GTF2F2: variants seen among roughly 807,000 people sequenced by gnomAD.
GTF2F2 encodes the protein ATP-dependent helicase GTF2F2.
A neutral mutation model predicts 42.2 loss-of-function variants in GTF2F2; 23 were observed. The ratio of observed to expected loss-of-function variants is 0.55; its 90% CI spans 0.39 to 0.77. GTF2F2 has a LOEUF of 0.77. GTF2F2 is among the 30% of genes least tolerant of loss of function. GTF2F2 has a pLI of 0.00. For missense variants in GTF2F2, 261 were observed against 287.2 expected, an observed-to-expected ratio of 0.91 and a Z score of 0.66; for synonymous variants, 105 against 100.8, an observed-to-expected ratio of 1.04 and a Z score of -0.25.
intron 4 of GTF2F2, among the ~76,000 whole-genome samples, chr13:45,174,402 C>T (rs1871757124): frequency 6.6e-6 from 1 of 152,004 alleles, no homozygotes; most frequent in African/African-American, 2.4e-5. Flanking sequence ...ACATGTTCAG[C>T]CCCTCAAAAG....
intron 7 of GTF2F2, among the ~76,000 whole-genome samples, chr13:45,274,699 T>G (rs1876953091): frequency 6.6e-6 from 1 of 152,114 alleles, no homozygotes; most frequent in Admixed American, 6.6e-5. Flanking sequence ...CCCAGCACTT[T>G]GGGAAGCTAA....
chr13:45,136,338 A>G (rs1000549735), intron 1 of GTF2F2, among the ~76,000 whole-genome samples: 5 of 152,244 alleles, frequency 3.3e-5, no homozygotes, highest in Non-Finnish European at 5.9e-5. Context: ...TCTACATAAT[A>G]AAACTTGACT....
In GTF2F2 at chr13:45,149,789, G is replaced by A; in HGVS notation, c.159+1G>A. 1 of 1,498,868 alleles carries A rather than the reference G, an allele frequency of 6.7e-7. No homozygotes were observed. Among genetic ancestry groups the A allele is most frequent in the East Asian group, 2.4e-5 (1 of 41,956 alleles). The allele number at this position is 1,498,868 out of a possible 1,614,324, so 92.8% of individuals were successfully genotyped here. A position where few individuals can be genotyped will look rare whatever the true frequency, so the allele number is the denominator to read the frequency against. ...CTTTAGGACTCAAGGAAGGACTGAG[G>A]TAAGATTATTTATATGGAAATTTTA... On this transcript the variant is annotated splice_donor_variant, in intron 3 of 7. Coordinates refer to ENST00000340473, the MANE Select transcript of GTF2F2 (RefSeq NM_004128.3). LOFTEE classifies it high-confidence loss of function.
intron 5 of GTF2F2, among the ~76,000 whole-genome samples, chr13:45,232,049 C>T (rs1874710741): frequency 6.6e-6 from 1 of 152,104 alleles, no homozygotes; most frequent in Non-Finnish European, 1.5e-5. Context: ...TATTTGATCC[C>T]ACCATTGTAT....
Position 45,138,425 on chromosome 13 carries a change from A to G in GTF2F2, c.140+1619A>G, listed in dbSNP as rs79790876. ...CAGAATCAACCACTGACCTACTAGAATTGACCGCTGATCTAGAGTTAACCA... is the reference window on the plus strand; with the variant it reads ...CAGAATCAACCACTGACCTACTAGAGTTGACCGCTGATCTAGAGTTAACCA... On this transcript the variant is annotated intron_variant, in intron 2 of 7. Coordinates refer to ENST00000340473, the MANE Select transcript of GTF2F2 (RefSeq NM_004128.3). 4.6e-4 allele frequency among the ~76,000 whole-genome samples: 70 copies of G among 152,272 alleles called. 1 individual carries two copies. In the East Asian group the frequency reaches 0.013, roughly 28 times the overall value.
At chr13:45,152,637 T>C (rs1870554049) in intron 4 of GTF2F2, among the ~76,000 whole-genome samples, 1 of 152,264 alleles carries the variant, frequency 6.6e-6, no homozygotes, top group Non-Finnish European at 1.5e-5. Context: ...GACACTGGCT[T>C]CCAAGAAGTT....
At chr13:45,124,586 A>T (rs1868873921) in intron 1 of GTF2F2, among the ~76,000 whole-genome samples, 1 of 151,814 alleles carries the variant, frequency 6.6e-6, no homozygotes, top group African/African-American at 2.4e-5. Context: ...TGTTTTTGAG[A>T]TGGAGTCTCA....
chr13:45,271,075 G>A (rs984967529), intron 7 of GTF2F2, among the ~76,000 whole-genome samples: 2 of 152,002 alleles, frequency 1.3e-5, no homozygotes, highest in East Asian at 1.9e-4. Flanking sequence ...GGCAGATCAC[G>A]AGGTCAGGAG....
Position 45,120,665 on chromosome 13 carries a change from C to T in GTF2F2, c.10C>T (p.Arg4Cys), listed in dbSNP as rs1246459026. ...CACCGGCTGCAGACCCATGGCCGAG[C>T]GCGGGGAACTCGACTTGACCGGCGC... MAE[R>C]GELDLTGAKQ... Residue 4 changes from arginine to cysteine, a missense_variant, in exon 1 of 8, where the codon CGC becomes TGC. Coordinates refer to ENST00000340473, the MANE Select transcript of GTF2F2 (RefSeq NM_004128.3). 1 of 1,559,266 alleles carries T rather than the reference C, an allele frequency of 6.4e-7. No individual in the cohort carries two copies. Among genetic ancestry groups the T allele is most frequent in the Non-Finnish European group, 8.7e-7 (1 of 1,150,748 alleles).
intron 5 of GTF2F2, among the ~76,000 whole-genome samples, chr13:45,218,489 A>G (rs1270601881): frequency 6.6e-6 from 1 of 152,230 alleles, no homozygotes; most frequent in South Asian, 2.1e-4. Context: ...CTTTAACACA[A>G]CGTCATTGTG....
At chr13:45,133,338 G>T (rs1869458088) in intron 1 of GTF2F2, among the ~76,000 whole-genome samples, 4 of 152,020 alleles carry the variant, frequency 2.6e-5, no homozygotes. Context: ...GAGAAATAAG[G>T]TTTCCTATAT....
At chr13:45,175,866 C>T (rs759531955) in intron 4 of GTF2F2, among the ~76,000 whole-genome samples, 26 of 152,122 alleles carry the variant, frequency 1.7e-4, no homozygotes, top group Non-Finnish European at 3.2e-4. Context: ...TCAGGTAATC[C>T]GCCCGCCTCG....
At chr13:45,251,555 C>G (rs1043194165) in intron 5 of GTF2F2, among the ~76,000 whole-genome samples, 15 of 151,936 alleles carry the variant, frequency 9.9e-5, no homozygotes, top group African/African-American at 3.6e-4. Context: ...AGTCTGATCT[C>G]TTCCTTCCCA....
At chr13:45,202,440 G>T (rs985982690) in intron 4 of GTF2F2, among the ~76,000 whole-genome samples, 1 of 151,504 alleles carries the variant, frequency 6.6e-6, no homozygotes, top group African/African-American at 2.4e-5. Flanking sequence ...CATCTGAGTG[G>T]GTGTGTGTGT....
At chr13:45,125,568 C>T (rs1868948174) in intron 1 of GTF2F2, among the ~76,000 whole-genome samples, 1 of 152,086 alleles carries the variant, frequency 6.6e-6, no homozygotes, top group Non-Finnish European at 1.5e-5. Flanking sequence ...GTGATCTGCC[C>T]GTCTCGGCCT....
At chr13:45,283,009 CA>C (rs1243282581) in intron 7 of GTF2F2, among the ~76,000 whole-genome samples, 2 of 152,080 alleles carry the variant, frequency 1.3e-5, no homozygotes, top group African/African-American at 4.8e-5. Context: ...AAATGTTGCT[CA>C]TTTTTTTTAT....
In GTF2F2 at chr13:45,120,533, G is replaced by T. The variant is rs1868563699; in HGVS notation, c.-123G>T. 4 of 692,040 alleles carry T rather than the reference G, an allele frequency of 5.8e-6. No homozygotes were observed. The highest frequency in any genetic ancestry group is 1.0e-5 in the Non-Finnish European group (4 of 392,760). 42.9% of individuals were successfully genotyped at this position (692,040 alleles called of 1,614,324 possible). ...TCCTCGGTTCCCAGTGTTCTGGCAG[G>T]TAAGGAACGCCGGCTCTTCGCCTCT... On this transcript the variant is annotated 5_prime_UTR_variant, in exon 1 of 8. Transcript: ENST00000340473.
At chr13:45,246,325 T>G in intron 5 of GTF2F2, among the ~76,000 whole-genome samples, 1 of 152,176 alleles carries the variant, frequency 6.6e-6, no homozygotes, top group South Asian at 2.1e-4. Flanking sequence ...TTTTTATTTT[T>G]TAAATTATAG....
chr13:45,125,791 G>A (rs553185853), intron 1 of GTF2F2, among the ~76,000 whole-genome samples: 1 of 152,300 alleles, frequency 6.6e-6, no homozygotes, highest in South Asian at 2.1e-4. Flanking sequence ...TTTTGAGATG[G>A]AGACAGGGAT....
Sources: gnomAD v4.1 joint callset for allele counts (sites outside exome capture counted in the v4.1 genomes callset) on GRCh38, gnomAD v4.1.1 for gene constraint, MANE v1.5 for transcripts, NCBI Gene and HGNC (gene_info 2026-07-23, HGNC 2026-07-21) for gene names.